The following BORCS8 variants were observed in gnomAD, a reference collection of about 807,000 sequenced individuals.
The protein encoded by BORCS8 is BLOC-1-related complex subunit 8.
BORCS8 carries 13 observed loss-of-function variants against 18.7 expected under a neutral mutation model. The observed-to-expected ratio is 0.70, with a 90% CI of 0.45 to 1.11. The LOEUF (loss-of-function observed/expected upper bound fraction) is 1.11, where lower values mean the gene tolerates loss of function less well. Ranked by LOEUF, BORCS8 falls within the 50% of genes least tolerant of loss-of-function variation. The pLI, the probability that BORCS8 is intolerant of heterozygous loss-of-function variation, is 0.00. For missense variants in BORCS8, 165 were observed against 165.7 expected, an observed-to-expected ratio of 1.00 and a Z score of 0.02; for synonymous variants, 68 against 64.8, an observed-to-expected ratio of 1.05 and a Z score of -0.24.
chr19:19,187,702 C>A (rs1260409520), intron 1 of BORCS8, among the ~76,000 whole-genome samples: 1 of 151,792 alleles, frequency 6.6e-6, no homozygotes, highest in Non-Finnish European at 1.5e-5. Context: ...CCACGCCCAG[C>A]TAATTTTTGT....
intron 4 of BORCS8, among the ~76,000 whole-genome samples, chr19:19,181,659 G>C (rs2060350290): frequency 1.3e-5 from 2 of 152,226 alleles, no homozygotes; most frequent in African/African-American, 2.4e-5. Context: ...AGATGCAAGA[G>C]AGCCCAGATA....
chr19:19,180,605 A>C (rs1398172864), intron 5 of BORCS8, 81 bp downstream of exon 5: 2 of 959,734 alleles, frequency 2.1e-6, no homozygotes, highest in Non-Finnish European at 3.3e-6. Context: ...TTAGACAAGC[A>C]GGTGCCTGCC....
At chr19:19,191,239 T>C (rs1359406788) in intron 1 of BORCS8, among the ~76,000 whole-genome samples, 2 of 151,424 alleles carry the variant, frequency 1.3e-5, no homozygotes, top group Non-Finnish European at 2.9e-5. Flanking sequence ...CCTGTAATCC[T>C]AGCTACTCAG....
intron 1 of BORCS8, among the ~76,000 whole-genome samples, chr19:19,188,452 C>G (rs1477245547): frequency 1.3e-5 from 2 of 152,150 alleles, no homozygotes; most frequent in Admixed American, 6.5e-5. Context: ...GCCACTGTGC[C>G]TGGCCCCCAG....
intron 4 of BORCS8, among the ~76,000 whole-genome samples, chr19:19,181,056 G>A (rs1431518195): frequency 1.3e-5 from 2 of 152,108 alleles, no homozygotes; most frequent in Non-Finnish European, 2.9e-5. Context: ...TTAGCCAGGT[G>A]TGGTGGCAGG....
intron 3 of BORCS8, among the ~76,000 whole-genome samples, chr19:19,184,592 G>A (rs146936603): frequency 8.6e-5 from 13 of 151,860 alleles, no homozygotes; most frequent in South Asian, 4.2e-4. Context: ...GTGAGCCACC[G>A]CGCCCGGTCT....
rs1408339981 is a variant in BORCS8, at chr19:19,186,077, C to A, written c.172G>T (p.Glu58Ter). ...GTGTAGATGGCTCCCTGGCTCTGCT[C>A]CTCCCAACGCTGCATGTCTGCCTGT... is the stretch of plus-strand genomic sequence containing the variant. ...QHKADMQRWE[E>*]QSQGAIYTVE... The change falls in exon 3 of 6, where the codon GAG (glutamate) becomes TAG (stop). Residue 58 changes from glutamate (E) to a stop codon, truncating the protein, a stop_gained. Transcript: ENST00000462790. LOFTEE classifies it high-confidence loss of function. 6.4e-7 allele frequency: 1 copy of A among 1,551,448 alleles called. No individual in the cohort carries two copies. The highest frequency in any genetic ancestry group is 2.0e-5 in the Admixed American group (1 of 51,006).
At chr19:19,188,726 A>C (rs10408395) in intron 1 of BORCS8, among the ~76,000 whole-genome samples, 13,541 of 152,134 alleles carry the variant, frequency 0.089, 906 homozygotes, top group East Asian at 0.31. Context: ...CAGGCCCAGG[A>C]TGAGGCCTCC....
rs1481028870 is a variant in BORCS8, at chr19:19,177,713, G to GAA, written c.*43-255_*43-254dup. ...GGAAGGAAGAGAAAAGAAAAGAAAA[G>GAA]AAAAGAAAAGAAAAGAAAAGAAAAG... On this transcript the variant is annotated intron_variant, in intron 5 of 5. Transcript: ENST00000462790. The GAA allele has an allele frequency of 1.1e-4, 10 of 93,582 alleles. 1 individual carries two copies. Among genetic ancestry groups the GAA allele is most frequent in the African/African-American group, 4.0e-4 (9 of 22,574 alleles). 5.8% of individuals were successfully genotyped at this position (93,582 alleles called of 1,614,324 possible). A position where few individuals can be genotyped will look rare whatever the true frequency, so the allele number is the denominator to read the frequency against.
At position 19,182,693 on chromosome 19, in the gene BORCS8, G is replaced by T. The variant is rs1295047488; in HGVS notation, c.216-10C>A. ...CAGGTTCTTCACGGCGCTGAAACGGGAGGACAGGCCTGGTCAGCGCTCCGG... is the reference window on the plus strand; with the variant it reads ...CAGGTTCTTCACGGCGCTGAAACGGTAGGACAGGCCTGGTCAGCGCTCCGG... On this transcript the variant is annotated splice_polypyrimidine_tract_variant and intron_variant, in intron 3 of 5. Transcript: ENST00000462790. The surrounding 1 kb of genome is among the most constrained non-coding windows in gnomAD (Gnocchi z 4.1). 6.5e-7 allele frequency: 1 copy of T among 1,549,398 alleles called. No individual in the cohort carries two copies.
intron 3 of BORCS8, among the ~76,000 whole-genome samples, chr19:19,185,486 G>C (rs1247313915): frequency 6.6e-6 from 1 of 152,160 alleles, no homozygotes; most frequent in African/African-American, 2.4e-5. Flanking sequence ...AGAAGTTTGA[G>C]ACCAGCCTGG....
chr19:19,182,705 G>A lies in BORCS8; in HGVS notation c.216-22C>T. ...GGCGCTGAAACGGGAGGACAGGCCT[G>A]GTCAGCGCTCCGGACCTGCAGGTAA... On this transcript the variant is annotated intron_variant, in intron 3 of 5. Transcript: ENST00000462790. The surrounding 1 kb of genome is among the most constrained non-coding windows in gnomAD (Gnocchi z 4.1). 3.9e-6 allele frequency: 6 copies of A among 1,545,224 alleles called. 1 individual carries two copies. The South Asian group carries it at 7.2e-5, about 18-fold the overall frequency.
At chr19:19,190,934 CAA>C (rs2060464831) in intron 1 of BORCS8, among the ~76,000 whole-genome samples, 1 of 152,084 alleles carries the variant, frequency 6.6e-6, no homozygotes, top group South Asian at 2.1e-4. Flanking sequence ...AAAAATTCCA[CAA>C]AGTTTCAAAA....
At chr19:19,187,799 A>G (rs908338163) in intron 1 of BORCS8, among the ~76,000 whole-genome samples, 3 of 151,372 alleles carry the variant, frequency 2.0e-5, no homozygotes, top group Non-Finnish European at 4.4e-5. Flanking sequence ...GGCCTCCCAA[A>G]GTGCTGGGAT....
At chr19:19,184,305 C>CTTTTTTT (rs900454275) in intron 3 of BORCS8, among the ~76,000 whole-genome samples, 1 of 108,516 alleles carries the variant, frequency 9.2e-6, no homozygotes, top group Non-Finnish European at 2.0e-5. Flanking sequence ...TTTTTCCTTT[C>CTTTTTTT]TTTTTTTTTT....
intron 2 of BORCS8, 141 bp from the exon 3 acceptor site, chr19:19,186,239 A>G (rs1250706486): frequency 1.3e-6 from 1 of 790,292 alleles, no homozygotes; most frequent in Non-Finnish European, 2.1e-6. Flanking sequence ...CTTCCCTCAC[A>G]GGTCTGGGCT....
chr19:19,185,165 C>A (rs971684549), intron 3 of BORCS8, among the ~76,000 whole-genome samples: 2 of 152,268 alleles, frequency 1.3e-5, no homozygotes, highest in African/African-American at 2.4e-5. Flanking sequence ...CTTGTCTAGG[C>A]ACCTTCGCCC....
intron 1 of BORCS8, among the ~76,000 whole-genome samples, chr19:19,189,802 A>G (rs1018956339): frequency 5.3e-5 from 8 of 152,138 alleles, no homozygotes; most frequent in African/African-American, 1.9e-4. Flanking sequence ...CTGTAGTCCC[A>G]GCTACTCAGG....
intron 3 of BORCS8, among the ~76,000 whole-genome samples, chr19:19,185,403 C>T (rs745867069): frequency 2.6e-5 from 4 of 152,124 alleles, no homozygotes; most frequent in Admixed American, 6.6e-5. Flanking sequence ...AAAGAAACAC[C>T]GGCCAGGCGT....
Sources: allele counts gnomAD v4.1 joint callset (sites outside exome capture counted in the v4.1 genomes callset), GRCh38; gene constraint gnomAD v4.1.1; non-coding constraint Gnocchi (gnomAD v3.1); transcripts MANE v1.5; gene names NCBI Gene and HGNC (gene_info 2026-07-23, HGNC 2026-07-21).